Variants in SCAND3 observed in about 807,000 individuals in gnomAD.
SCAND3 encodes SCAN domain containing 3.
chr6:28,609,795 A>G, the SCAND3 span, among the ~76,000 whole-genome samples: 111 of 152,358 alleles, frequency 7.3e-4, no homozygotes, highest in African/African-American at 2.5e-3. Context: ...TTAAATTTCT[A>G]TAATCAAATA....
At chr6:28,589,305 G>A in the SCAND3 span, 1 of 152,148 alleles carries the variant, frequency 6.6e-6, no homozygotes, top group Non-Finnish European at 1.5e-5. Flanking sequence ...AACTCTTTCG[G>A]ATCGGAACTA....
the SCAND3 span, chr6:28,572,882 G>C: frequency 6.2e-7 from 1 of 1,613,634 alleles, no homozygotes; most frequent in Non-Finnish European, 8.5e-7. The surrounding 1 kb of genome is among the most constrained non-coding windows in gnomAD (Gnocchi z 4.1). Flanking sequence ...AGACTTTCTC[G>C]ATGAATGAAG....
the SCAND3 span, among the ~76,000 whole-genome samples, chr6:28,614,296 T>A: frequency 5.3e-5 from 8 of 152,178 alleles, no homozygotes; most frequent in Admixed American, 2.0e-4. Flanking sequence ...CTATTTCTTA[T>A]GAATTTTAGC....
chr6:28,575,307 G>C, the SCAND3 span: 31 of 1,613,874 alleles, frequency 1.9e-5, no homozygotes, highest in Admixed American at 1.7e-4. This position sits in a 1 kb window ranked among gnomAD's most constrained non-coding sequence, Gnocchi z 4.2. Flanking sequence ...GGCTTTGGCA[G>C]GTCTGAGACT....
the SCAND3 span, among the ~76,000 whole-genome samples, chr6:28,600,193 G>A: frequency 2.0e-5 from 3 of 150,900 alleles, no homozygotes; most frequent in African/African-American, 7.3e-5. Context: ...ATGAAAAGAA[G>A]ATGTACAAAG....
the SCAND3 span, among the ~76,000 whole-genome samples, chr6:28,605,773 G>C: frequency 6.6e-6 from 1 of 152,144 alleles, no homozygotes; most frequent in East Asian, 1.9e-4. Context: ...TTGAACCCGG[G>C]AGGCGGAGGT....
chr6:28,593,876 T>C, the SCAND3 span, among the ~76,000 whole-genome samples: 1 of 152,048 alleles, frequency 6.6e-6, no homozygotes, highest in Non-Finnish European at 1.5e-5. Flanking sequence ...CGCTGATCTT[T>C]ATTTATTTTG....
chr6:28,610,075 T>C, the SCAND3 span, among the ~76,000 whole-genome samples: 1 of 151,934 alleles, frequency 6.6e-6, no homozygotes, highest in African/African-American at 2.4e-5. Context: ...AATACAAAAA[T>C]TAGCCGGGCA....
chr6:28,615,572 G>A, the SCAND3 span, among the ~76,000 whole-genome samples: 6 of 139,094 alleles, frequency 4.3e-5, no homozygotes, highest in Non-Finnish European at 9.0e-5. Flanking sequence ...CTGCACTCCA[G>A]CCTAGGCAAC....
the SCAND3 span, chr6:28,597,668 T>A: frequency 7.2e-6 from 1 of 139,456 alleles, no homozygotes; most frequent in African/African-American, 3.0e-5. Flanking sequence ...AATACGTAGA[T>A]CCTTGCTGAA....
chr6:28,594,558 G>A, the SCAND3 span, among the ~76,000 whole-genome samples: 1 of 152,246 alleles, frequency 6.6e-6, no homozygotes, highest in South Asian at 2.1e-4. Context: ...GGGAGGCTGA[G>A]GCAGAAGAAT....
chr6:28,576,585 A>G, the SCAND3 span, among the ~76,000 whole-genome samples: 1 of 152,090 alleles, frequency 6.6e-6, no homozygotes, highest in Non-Finnish European at 1.5e-5. Context: ...ATTTTGATTA[A>G]GGAATCCAAC....
the SCAND3 span, among the ~76,000 whole-genome samples, chr6:28,576,610 G>C: frequency 6.6e-6 from 1 of 152,164 alleles, no homozygotes; most frequent in South Asian, 2.1e-4. Flanking sequence ...GTGGAATGAA[G>C]AGCGTAAATG....
At chr6:28,609,712 C>T in the SCAND3 span, among the ~76,000 whole-genome samples, 4 of 152,144 alleles carry the variant, frequency 2.6e-5, no homozygotes, top group Admixed American at 2.0e-4. Flanking sequence ...TGTGAGACAA[C>T]CACATATCAT....
At chr6:28,607,345 T>A in the SCAND3 span, among the ~76,000 whole-genome samples, 1 of 152,146 alleles carries the variant, frequency 6.6e-6, no homozygotes, top group Admixed American at 6.5e-5. Context: ...CTGTACAGCC[T>A]TTGCAGTGTT....
the SCAND3 span, chr6:28,574,833 A>T: frequency 6.2e-7 from 1 of 1,614,102 alleles, no homozygotes; most frequent in Non-Finnish European, 8.5e-7. Context: ...CACAAATTGC[A>T]TGGATATTTC....
At chr6:28,614,264 A>G in the SCAND3 span, among the ~76,000 whole-genome samples, 2 of 151,520 alleles carry the variant, frequency 1.3e-5, no homozygotes, top group African/African-American at 4.8e-5. Flanking sequence ...GCGCCTGGCA[A>G]CAATTCCACT....
At chr6:28,578,039 C>G in the SCAND3 span, among the ~76,000 whole-genome samples, 1 of 152,178 alleles carries the variant, frequency 6.6e-6, no homozygotes, top group Non-Finnish European at 1.5e-5. Context: ...ATTCTCCTTG[C>G]TTGACACTCT....
chr6:28,596,393 C>CT, the SCAND3 span, among the ~76,000 whole-genome samples: 7,064 of 151,826 alleles, frequency 0.047, 313 homozygotes, highest in African/African-American at 0.12. Flanking sequence ...GTCATTTGTG[C>CT]TTTTTTTGAG....
Sources: gnomAD v4.1 joint callset for allele counts (sites outside exome capture counted in the v4.1 genomes callset) on GRCh38, gnomAD v4.1.1 for gene constraint, Gnocchi (gnomAD v3.1) non-coding constraint, MANE v1.5 for transcripts, NCBI Gene and HGNC (gene_info 2026-07-23, HGNC 2026-07-21) for gene names.